Variants in MEI4 observed in about 807,000 individuals in gnomAD.
MEI4 encodes the protein meiosis-specific protein MEI4.
MEI4 carries 27 observed loss-of-function variants against 31.4 expected under a neutral mutation model. That is an observed-to-expected ratio of 0.86 (90% confidence interval 0.63 to 1.19). MEI4 has a LOEUF of 1.19. Among genes scored for constraint, MEI4 ranks in the 50% most tolerant of loss-of-function variants. MEI4 has a pLI of 0.00. For synonymous variants in MEI4, 122 were observed against 145.4 expected (o/e 0.84, Z 1.16); for missense variants, 329 against 398.9 (o/e 0.82, Z 1.49).
chr6:77,733,671 T>A (rs1767085403), intron 2 of MEI4, among the ~76,000 whole-genome samples: 1 of 151,936 alleles, frequency 6.6e-6, no homozygotes. Flanking sequence ...TTCTGCTAGC[T>A]TTTGAATACG....
chr6:77,731,705 T>C (rs1244271843), intron 2 of MEI4, among the ~76,000 whole-genome samples: 1 of 151,412 alleles, frequency 6.6e-6, no homozygotes, highest in Non-Finnish European at 1.5e-5. Flanking sequence ...TCCTTGCCCA[T>C]GCCTATGTCC....
intron 3 of MEI4, among the ~76,000 whole-genome samples, chr6:77,804,383 C>A (rs1769371337): frequency 6.6e-6 from 1 of 152,200 alleles, no homozygotes; most frequent in Non-Finnish European, 1.5e-5. Flanking sequence ...AAGGGAATTC[C>A]CTGACCCCTT....
At chr6:77,758,937 C>G (rs9448205) in intron 2 of MEI4, among the ~76,000 whole-genome samples, 2,173 of 152,248 alleles carry the variant, frequency 0.014, 53 homozygotes, top group African/African-American at 0.049. Flanking sequence ...CACTTACTTT[C>G]TTCACTTCCA....
chr6:77,688,198 G>C, intron 1 of MEI4, among the ~76,000 whole-genome samples: 1 of 152,096 alleles, frequency 6.6e-6, no homozygotes. Context: ...TTGAGGATAG[G>C]AATGCTGTTC....
chr6:77,910,036 T>G (rs1766395985), intron 4 of MEI4, among the ~76,000 whole-genome samples: 1 of 152,050 alleles, frequency 6.6e-6, no homozygotes, highest in Admixed American at 6.6e-5. Context: ...CTGAATAAAT[T>G]AGGTATTGAT....
Position 77,923,360 on chromosome 6 carries a change from C to T in MEI4, c.*14C>T. ...CTTAGAAAATAACTCCATTCCTTAG[C>T]AATTTACCACGTTTGAAGCATAATA... On this transcript the variant is annotated 3_prime_UTR_variant, in exon 5 of 5. Transcript: ENST00000684080. The T allele has an allele frequency of 8.1e-7, 1 of 1,228,826 alleles. No individual in the cohort carries two copies. Among genetic ancestry groups the T allele is most frequent in the Non-Finnish European group, 1.0e-6 (1 of 985,570 alleles). The allele number at this position is 1,228,826 out of a possible 1,614,324, so 76.1% of individuals were successfully genotyped here.
intron 4 of MEI4, among the ~76,000 whole-genome samples, chr6:77,868,485 C>T: frequency 2.2e-5 from 1 of 45,116 alleles, no homozygotes; most frequent in Non-Finnish European, 5.0e-5. Flanking sequence ...GAAAAAACTT[C>T]CATGTAAAAA....
chr6:77,833,810 G>A (rs937233113), intron 4 of MEI4, among the ~76,000 whole-genome samples: 1 of 152,032 alleles, frequency 6.6e-6, no homozygotes, highest in African/African-American at 2.4e-5. Context: ...AACAGGCCCA[G>A]GTGTATGATG....
intron 4 of MEI4, among the ~76,000 whole-genome samples, chr6:77,905,337 C>G (rs1766269903): frequency 6.6e-6 from 1 of 151,876 alleles, no homozygotes. Flanking sequence ...TCTCATGATC[C>G]TCTCTTTGAC....
chr6:77,816,780 T>C (rs1769699518), intron 3 of MEI4, among the ~76,000 whole-genome samples: 1 of 152,212 alleles, frequency 6.6e-6, no homozygotes, highest in Non-Finnish European at 1.5e-5. Flanking sequence ...ATGTTACTAC[T>C]TTTGCTTTTT....
In MEI4 at chr6:77,926,912, T is replaced by A. The variant is rs1766857168; in HGVS notation, c.*3566T>A. On this transcript the variant is annotated 3_prime_UTR_variant, in exon 5 of 5. Transcript: ENST00000684080. ...TTATTATTGTTAAAAGTTAATTGAT[T>A]CCGAATTATTTATAGAATTGTATAA... 6.6e-6 allele frequency: 1 copy of A among 151,936 alleles called. No individual in the cohort carries two copies. Among genetic ancestry groups the A allele is most frequent in the African/African-American group, 2.4e-5 (1 of 41,424 alleles). The allele number at this position is 151,936 out of a possible 1,614,324, so 9.4% of individuals were successfully genotyped here.
At chr6:77,789,458 G>T (rs1429248496) in intron 3 of MEI4, among the ~76,000 whole-genome samples, 4 of 152,138 alleles carry the variant, frequency 2.6e-5, no homozygotes, top group Non-Finnish European at 5.9e-5. Context: ...TACCATCAGA[G>T]TGAACAGGCA....
intron 4 of MEI4, among the ~76,000 whole-genome samples, chr6:77,850,331 A>T (rs936569705): frequency 2.6e-5 from 4 of 152,230 alleles, no homozygotes; most frequent in Admixed American, 2.0e-4. Context: ...TGCCAAGACA[A>T]TCCTAAGCCA....
chr6:77,735,878 T>C (rs1767186416), intron 2 of MEI4, among the ~76,000 whole-genome samples: 1 of 152,016 alleles, frequency 6.6e-6, no homozygotes. Context: ...TGCAGGTCTG[T>C]TGGAGTACCC....
chr6:77,812,596 C>G (rs1253757323), intron 3 of MEI4, among the ~76,000 whole-genome samples: 3 of 152,026 alleles, frequency 2.0e-5, no homozygotes, highest in Admixed American at 6.6e-5. Context: ...ATGGGTGATA[C>G]AAAGTTTGAC....
chr6:77,666,317 G>A, intron 1 of MEI4, among the ~76,000 whole-genome samples: 1 of 152,126 alleles, frequency 6.6e-6, no homozygotes, highest in Non-Finnish European at 1.5e-5. Context: ...TCACAATAGT[G>A]GAATGTCATC....
At chr6:77,726,527 C>A (rs897599568) in intron 2 of MEI4, among the ~76,000 whole-genome samples, 7 of 152,064 alleles carry the variant, frequency 4.6e-5, no homozygotes, top group South Asian at 4.2e-4. Context: ...TTCTACAACC[C>A]AGGAAGGGAA....
At chr6:77,884,351 G>C (rs540187682) in intron 4 of MEI4, among the ~76,000 whole-genome samples, 8 of 152,046 alleles carry the variant, frequency 5.3e-5, no homozygotes, top group Non-Finnish European at 1.2e-4. Context: ...AAGCTTTTTA[G>C]TTTAATGTAA....
chr6:77,909,440 A>G (rs1018846216), intron 4 of MEI4, among the ~76,000 whole-genome samples: 11 of 152,186 alleles, frequency 7.2e-5, no homozygotes, highest in Non-Finnish European at 1.2e-4. Flanking sequence ...CTCTATGCAA[A>G]TAAACTAGAA....
Sources: allele counts gnomAD v4.1 joint callset (sites outside exome capture counted in the v4.1 genomes callset), GRCh38; gene constraint gnomAD v4.1.1; transcripts MANE v1.5; gene names NCBI Gene and HGNC (gene_info 2026-07-23, HGNC 2026-07-21).